SLIT2: variants seen among roughly 807,000 people sequenced by gnomAD.
SLIT2 encodes the protein slit guidance ligand 2, also known as slit homolog 2 protein.
SLIT2 carries 41 observed loss-of-function variants against 185.7 expected under a neutral mutation model. The ratio of observed to expected loss-of-function variants is 0.22; its 90% CI spans 0.17 to 0.29. SLIT2 has a LOEUF of 0.29. Among genes scored for constraint, SLIT2 ranks in the 10% least tolerant of loss-of-function variants. The pLI is 1.00. For missense variants in SLIT2, 1,571 were observed against 1,909.0 expected (o/e 0.82, Z 3.30); for synonymous variants, 693 against 680.2 (o/e 1.02, Z -0.29).
intron 4 of SLIT2, among the ~76,000 whole-genome samples, chr4:20,362,193 T>C (rs1201587474): frequency 6.6e-6 from 1 of 152,156 alleles, no homozygotes; most frequent in Non-Finnish European, 1.5e-5. Flanking sequence ...GACACACTGA[T>C]TTCTCTGGGA....
At chr4:20,309,599 C>T (rs1016924794) in intron 4 of SLIT2, among the ~76,000 whole-genome samples, 2 of 152,050 alleles carry the variant, frequency 1.3e-5, no homozygotes, top group African/African-American at 2.4e-5. Context: ...TTTCTCTCCT[C>T]TCTCTAGCTA....
intron 4 of SLIT2, among the ~76,000 whole-genome samples, chr4:20,416,121 T>A (rs1246072106): frequency 6.6e-6 from 1 of 152,226 alleles, no homozygotes; most frequent in African/African-American, 2.4e-5. Context: ...ATGTCACTCT[T>A]GAATGTATTA....
intron 4 of SLIT2, among the ~76,000 whole-genome samples, chr4:20,397,007 A>G (rs1725951889): frequency 6.6e-6 from 1 of 151,570 alleles, no homozygotes. Flanking sequence ...TATTTCCATA[A>G]TATTAGTCAT....
At chr4:20,479,075 A>G (rs1026795970) in intron 5 of SLIT2, among the ~76,000 whole-genome samples, 2 of 152,214 alleles carry the variant, frequency 1.3e-5, no homozygotes, top group African/African-American at 4.8e-5. Flanking sequence ...TTTATAAACT[A>G]AGGCTTATAC....
At chr4:20,417,399 A>G (rs1279375811) in intron 4 of SLIT2, among the ~76,000 whole-genome samples, 2 of 139,634 alleles carry the variant, frequency 1.4e-5, no homozygotes, top group Non-Finnish European at 3.2e-5. Context: ...AGGACTTTAT[A>G]TGCCTGCTTC....
chr4:20,376,886 G>A (rs1724066222), intron 4 of SLIT2, among the ~76,000 whole-genome samples: 2 of 152,056 alleles, frequency 1.3e-5, no homozygotes, highest in South Asian at 4.1e-4. Flanking sequence ...AGCGGGGGTT[G>A]GGAGAGGGAG....
chr4:20,449,642 C>T (rs548845613), intron 4 of SLIT2, among the ~76,000 whole-genome samples: 8 of 152,048 alleles, frequency 5.3e-5, no homozygotes, highest in Admixed American at 3.9e-4. Context: ...CTCCTGACCT[C>T]GTGATCCACC....
chr4:20,609,994 A>T lies in SLIT2; in HGVS notation c.3693-19A>T, dbSNP rs558285953. On this transcript the variant is annotated intron_variant, in intron 33 of 36. Coordinates refer to ENST00000504154, the MANE Select transcript of SLIT2 (RefSeq NM_004787.4). ...TGAAAAGAAAATGGAAGAATCAGCC[A>T]TTTTTTTTTCCGTTGTAGTGTGGAG... 12 of 1,545,942 alleles carry T rather than the reference A, an allele frequency of 7.8e-6. No homozygotes were observed. The highest frequency in any genetic ancestry group is 4.7e-5 in the East Asian group (2 of 42,716).
At chr4:20,580,427 G>T (rs942921552) in intron 29 of SLIT2, among the ~76,000 whole-genome samples, 1 of 151,816 alleles carries the variant, frequency 6.6e-6, no homozygotes, top group Non-Finnish European at 1.5e-5. Flanking sequence ...GTGTGTGTGT[G>T]TGTGTGTGTA....
At chr4:20,539,317 G>A (rs1722590369) in intron 18 of SLIT2, 124 bp from the exon 19 acceptor site, 1 of 789,102 alleles carries the variant, frequency 1.3e-6, no homozygotes, top group African/African-American at 1.8e-5. Context: ...CTAATAGCAA[G>A]AGAACATTTT....
intron 22 of SLIT2, among the ~76,000 whole-genome samples, chr4:20,547,111 G>A (rs943165017): frequency 1.3e-5 from 2 of 151,872 alleles, no homozygotes; most frequent in Non-Finnish European, 2.9e-5. Context: ...TGAAAGTATG[G>A]GTAAATCAAA....
At chr4:20,573,517 G>A (rs557644842) in intron 29 of SLIT2, among the ~76,000 whole-genome samples, 1 of 152,084 alleles carries the variant, frequency 6.6e-6, no homozygotes, top group African/African-American at 2.4e-5. Flanking sequence ...GGGAAGAAGG[G>A]GTGGCTAGAA....
At chr4:20,388,516 G>A (rs1333391171) in intron 4 of SLIT2, among the ~76,000 whole-genome samples, 1 of 152,062 alleles carries the variant, frequency 6.6e-6, no homozygotes, top group Non-Finnish European at 1.5e-5. Context: ...GCTCATGCCT[G>A]TAATCCCAGC....
At chr4:20,328,584 C>T (rs1344936004) in intron 4 of SLIT2, among the ~76,000 whole-genome samples, 4 of 150,838 alleles carry the variant, frequency 2.7e-5, no homozygotes, top group Non-Finnish European at 4.4e-5. Flanking sequence ...AAGAGGTTTA[C>T]AATTTGAAAA....
At chr4:20,333,951 G>A (rs1720276477) in intron 4 of SLIT2, among the ~76,000 whole-genome samples, 1 of 152,176 alleles carries the variant, frequency 6.6e-6, no homozygotes, top group Non-Finnish European at 1.5e-5. Flanking sequence ...CTACTGCAAA[G>A]ATTGGTGCCA....
In SLIT2 at chr4:20,254,051, C is replaced by T. The variant is rs1722263216; in HGVS notation, c.179+57C>T. 5 of 1,534,392 alleles carry T rather than the reference C, an allele frequency of 3.3e-6. No individual in the cohort carries two copies. The highest frequency in any genetic ancestry group is 4.4e-6 in the Non-Finnish European group (5 of 1,131,000). On this transcript the variant is annotated intron_variant, in intron 1 of 36. Coordinates refer to ENST00000504154, the MANE Select transcript of SLIT2 (RefSeq NM_004787.4). This position sits in a 1 kb window ranked among gnomAD's most constrained non-coding sequence, Gnocchi z 5.1. ...CCATCCGGGCCGCGCACCCCTGCCT[C>T]CACTGGAGGAACCTGTCAGCTCAGG...
intron 21 of SLIT2, among the ~76,000 whole-genome samples, chr4:20,545,322 A>G (rs1723150392): frequency 6.6e-6 from 1 of 152,038 alleles, no homozygotes. Flanking sequence ...TTATTGTGAC[A>G]TAATAGATAT....
rs1016228731 is a variant in SLIT2, at chr4:20,484,471, A to G, written c.540-1729A>G. ...GTTTATTTTTTGTGACTTAATTCAA[A>G]TGACTTAGAATAGTTCTTATATAAT... On this transcript the variant is annotated intron_variant, in intron 6 of 36. Transcript: ENST00000504154. The surrounding 1 kb of genome is among the most constrained non-coding windows in gnomAD (Gnocchi z 4.3). Among the ~76,000 whole-genome samples, 2 of 152,146 alleles carry G rather than the reference A, an allele frequency of 1.3e-5. No individual in the cohort carries two copies. Among genetic ancestry groups the G allele is most frequent in the Admixed American group, 1.3e-4 (2 of 15,266 alleles).
intron 4 of SLIT2, among the ~76,000 whole-genome samples, chr4:20,359,868 T>C (rs1017875170): frequency 6.6e-6 from 1 of 152,056 alleles, no homozygotes; most frequent in Non-Finnish European, 1.5e-5. Context: ...TTTATCATGG[T>C]GGGAGGGAGA....
Sources: gnomAD v4.1 joint callset for allele counts (sites outside exome capture counted in the v4.1 genomes callset) on GRCh38, gnomAD v4.1.1 for gene constraint, Gnocchi (gnomAD v3.1) non-coding constraint, MANE v1.5 for transcripts, NCBI Gene and HGNC (gene_info 2026-07-23, HGNC 2026-07-21) for gene names.